ARHGEF10: variants seen among roughly 807,000 people sequenced by gnomAD.
ARHGEF10 encodes Rho guanine nucleotide exchange factor 10.
ARHGEF10 carries 140 observed loss-of-function variants against 147.4 expected under a neutral mutation model. That is an observed-to-expected ratio of 0.95 (90% CI 0.83 to 1.09). The LOEUF is 1.09. ARHGEF10 is among the 50% of genes least tolerant of loss of function. The probability of loss-of-function intolerance (pLI) is 0.00; values close to 1 mark genes in which losing one functional copy is unlikely to be tolerated. For missense variants in ARHGEF10, 2,222 were observed against 1,752.7 expected (o/e 1.27, Z -4.78); for synonymous variants, 902 against 695.8 (o/e 1.30, Z -4.67).
At position 1,836,541 on chromosome 8, in the gene ARHGEF10, G is replaced by A. The variant is rs1011367167; in HGVS notation, c.-47-6812G>A. Among the ~76,000 whole-genome samples the A allele has an allele frequency of 3.3e-5, 5 of 152,184 alleles. No individual in the cohort carries two copies. In the South Asian group the frequency reaches 1.0e-3, roughly 32 times the overall value. ...GGCTCTAGACCCCCGGGCTTCAGGG[G>A]GTGGGATGTTTTGTGTGGCCTGGAG... On this transcript the variant is annotated intron_variant, in intron 1 of 28. Transcript: ENST00000349830.
At chr8:1,934,060 C>T in intron 26 of ARHGEF10, 118 bp downstream of exon 26, 1 of 1,347,392 alleles carries the variant, frequency 7.4e-7, no homozygotes, top group Non-Finnish European at 1.0e-6. Context: ...TCTAGCCGGG[C>T]ACAGTGGCTC....
At position 1,937,152 on chromosome 8, in the gene ARHGEF10, A is replaced by G. The variant is rs1217398595; in HGVS notation, c.3222+3210A>G. Among the ~76,000 whole-genome samples the G allele has an allele frequency of 6.6e-6, 1 of 152,104 alleles. No individual in the cohort carries two copies. Among genetic ancestry groups the G allele is most frequent in the African/African-American group, 2.4e-5 (1 of 41,422 alleles). On this transcript the variant is annotated intron_variant, in intron 26 of 28. Coordinates refer to ENST00000349830, the MANE Select transcript of ARHGEF10 (RefSeq NM_014629.4). The surrounding 1 kb of genome is among the most constrained non-coding windows in gnomAD (Gnocchi z 4.9). ...GGGAGGTTGGGGTACATGTTAGATG[A>G]TTTTTGGCAGTATTGTTCCTGTTAC...
In ARHGEF10 at chr8:1,882,669, C is replaced by T. The variant is rs28940281; in HGVS notation, c.995C>T (p.Thr332Ile). 6.4e-7 allele frequency: 1 copy of T among 1,556,230 alleles called. No homozygotes were observed. The highest frequency in any genetic ancestry group is 8.7e-7 in the Non-Finnish European group (1 of 1,149,286). Residue 332 changes from threonine to isoleucine, a missense_variant, in exon 10 of 29, where the codon ACC becomes ATC. Physicochemically the swap from Thr to Ile is moderately conservative, Grantham distance 89. Coordinates refer to ENST00000349830, the MANE Select transcript of ARHGEF10 (RefSeq NM_014629.4). The part of the protein sequence containing the change: ...QKLVKAAKDG[T>I]KDGLERTRAA... ...CTCGTGAAGGCCGCGAAGGACGGCA[C>T]CAAGGACGGGCTGGAGAGGACCAGG...
In ARHGEF10 at chr8:1,893,662, GT is replaced by G; in HGVS notation, c.1260+18del. On this transcript the variant is annotated intron_variant, in intron 12 of 28. Coordinates refer to ENST00000349830, the MANE Select transcript of ARHGEF10 (RefSeq NM_014629.4). ...GATTTTGGAGGTACTTAAGTGTCGTGTTACATAATACATACATTTCTATTAT... is the reference window on the plus strand; with the variant it reads ...GATTTTGGAGGTACTTAAGTGTCGTGTACATAATACATACATTTCTATTAT... 6.5e-7 allele frequency: 1 copy of G among 1,535,156 alleles called. No individual in the cohort carries two copies. Among genetic ancestry groups the G allele is most frequent in the Non-Finnish European group, 9.0e-7 (1 of 1,108,420 alleles).
chr8:1,855,918 CA>C (rs200606477), intron 2 of ARHGEF10, among the ~76,000 whole-genome samples: 108 of 142,030 alleles, frequency 7.6e-4, no homozygotes, highest in Middle Eastern at 3.5e-3. Context: ...AATGATATGG[CA>C]AAAAAAAAAA....
At chr8:1,830,531 T>C (rs9802017) in intron 1 of ARHGEF10, among the ~76,000 whole-genome samples, 81,558 of 152,092 alleles carry the variant, frequency 0.54, 22,374 homozygotes, top group African/African-American at 0.63. Context: ...AATCTACCTG[T>C]GGCCATATGA....
chr8:1,945,690 G>A, intron 27 of ARHGEF10, 35 bp downstream of exon 27: 2 of 1,612,906 alleles, frequency 1.2e-6, no homozygotes, highest in Non-Finnish European at 1.7e-6. Context: ...GGATGGGACA[G>A]CAACCGGGGA....
At chr8:1,889,220 G>GGTGAGGGTTGTGTGAGGTACTTAGTGGT (rs56072337) in intron 11 of ARHGEF10, among the ~76,000 whole-genome samples, 1 of 90,040 alleles carries the variant, frequency 1.1e-5, no homozygotes, top group Admixed American at 1.1e-4. Context: ...CACTGAATGG[G>GGTGAGGGTTGTGTGAGGTACTTAGTGGT]GTGAGGGTTG....
chr8:1,957,457 A>G lies in ARHGEF10; in HGVS notation c.*194A>G. The G allele has an allele frequency of 2.6e-6, 2 of 778,340 alleles. No homozygotes were observed. Among genetic ancestry groups the G allele is most frequent in the South Asian group, 3.7e-5 (2 of 54,328 alleles). The allele number at this position is 778,340 out of a possible 1,614,324, so 48.2% of individuals were successfully genotyped here. A position where few individuals can be genotyped will look rare whatever the true frequency, so the allele number is the denominator to read the frequency against. Reference sequence around the variant, plus strand: ...TCCTTCTCTTCTGTACAGCAGAAGTAATTACAAGCACTTCTCACGAAGGCA... The same window carrying G: ...TCCTTCTCTTCTGTACAGCAGAAGTGATTACAAGCACTTCTCACGAAGGCA... On this transcript the variant is annotated 3_prime_UTR_variant, in exon 29 of 29. Transcript: ENST00000349830.
In ARHGEF10 at chr8:1,888,743, G is replaced by A. The variant is rs187004515; in HGVS notation, c.1182+3036G>A. 3.0e-5 allele frequency among the ~76,000 whole-genome samples: 2 copies of A among 67,782 alleles called. 1 individual carries two copies. Among genetic ancestry groups the A allele is most frequent in the Non-Finnish European group, 5.7e-5 (2 of 35,304 alleles). The allele number at this position is 67,782 out of a possible 152,430, so 44.5% of individuals were successfully genotyped here. A position where few individuals can be genotyped will look rare whatever the true frequency, so the allele number is the denominator to read the frequency against. Reference sequence around the variant, plus strand: ...CTGAATAGGGTGAGGTTTGTGAGGAGACACTGAATAGGGTGAGGTTTGTGA... The same window carrying A: ...CTGAATAGGGTGAGGTTTGTGAGGAAACACTGAATAGGGTGAGGTTTGTGA... On this transcript the variant is annotated intron_variant, in intron 11 of 28. Transcript: ENST00000349830.
At chr8:1,944,313 G>T (rs1420402114) in intron 26 of ARHGEF10, among the ~76,000 whole-genome samples, 1 of 151,344 alleles carries the variant, frequency 6.6e-6, no homozygotes, top group Non-Finnish European at 1.5e-5. Flanking sequence ...CCTCTCCTCA[G>T]CTCTCAGGCC....
At chr8:1,877,054 C>T (rs1807769111) in intron 8 of ARHGEF10, among the ~76,000 whole-genome samples, 1 of 152,198 alleles carries the variant, frequency 6.6e-6, no homozygotes, top group Non-Finnish European at 1.5e-5. Flanking sequence ...GCACGTAGCA[C>T]CGTTTGCGGA....
intron 26 of ARHGEF10, among the ~76,000 whole-genome samples, chr8:1,942,637 C>T (rs778592972): frequency 1.3e-5 from 2 of 152,080 alleles, no homozygotes; most frequent in African/African-American, 2.4e-5. Flanking sequence ...CATGCAGACA[C>T]GAATTATCAT....
rs191410243 is a variant in ARHGEF10, at chr8:1,914,698, C to T, written c.2143+5228C>T. 1.1e-4 allele frequency among the ~76,000 whole-genome samples: 16 copies of T among 152,304 alleles called. No individual in the cohort carries two copies. The East Asian group carries it at 1.4e-3, about 13-fold the overall frequency. On this transcript the variant is annotated intron_variant, in intron 18 of 28. Transcript: ENST00000349830. ...ATTGCTGTGGGAAGGGCTGCTTCTGCGTCATCTGAACGTTGTACTGTAAAA... is the reference window on the plus strand; with the variant it reads ...ATTGCTGTGGGAAGGGCTGCTTCTGTGTCATCTGAACGTTGTACTGTAAAA...
At chr8:1,872,722 G>T (rs989823183) in intron 7 of ARHGEF10, among the ~76,000 whole-genome samples, 1 of 152,208 alleles carries the variant, frequency 6.6e-6, no homozygotes, top group Admixed American at 6.5e-5. Flanking sequence ...CTGAATTAAG[G>T]ACGTGTTCTT....
At chr8:1,935,303 C>T (rs1399422793) in intron 26 of ARHGEF10, among the ~76,000 whole-genome samples, 2 of 152,122 alleles carry the variant, frequency 1.3e-5, no homozygotes, top group East Asian at 3.9e-4. Context: ...GCCCAGGGTC[C>T]ACAGTCCCTC....
At position 1,869,127 on chromosome 8, in the gene ARHGEF10, T is replaced by C. The variant is rs994585066; in HGVS notation, c.623-67T>C. ...ATGACATCATCGGCGACTGTGGCCC[T>C]GTAAAATTTAAATTGCACTAGGTTT... is the stretch of plus-strand genomic sequence containing the variant. On this transcript the variant is annotated intron_variant, in intron 6 of 28. Coordinates refer to ENST00000349830, the MANE Select transcript of ARHGEF10 (RefSeq NM_014629.4). 3.6e-6 allele frequency: 5 copies of C among 1,389,088 alleles called. No individual in the cohort carries two copies. In the African/African-American group the frequency reaches 7.1e-5, roughly 20 times the overall value. The allele number at this position is 1,389,088 out of a possible 1,614,324, so 86.0% of individuals were successfully genotyped here.
intron 7 of ARHGEF10, chr8:1,870,212 AG>A (rs1237461226): frequency 4.4e-5 from 6 of 134,908 alleles, no homozygotes; most frequent in Non-Finnish European, 9.5e-5. Context: ...GGCATTTTTC[AG>A]GGGGAGGATC....
intron 4 of ARHGEF10, 70 bp downstream of exon 4, chr8:1,860,254 G>A (rs1805995162): frequency 6.6e-7 from 1 of 1,512,702 alleles, no homozygotes. Flanking sequence ...CCCCGAAGTG[G>A]CCTGTGGTTC....
Sources: allele counts gnomAD v4.1 joint callset (sites outside exome capture counted in the v4.1 genomes callset), GRCh38; gene constraint gnomAD v4.1.1; non-coding constraint Gnocchi (gnomAD v3.1); transcripts MANE v1.5; gene names NCBI Gene and HGNC (gene_info 2026-07-23, HGNC 2026-07-21).